Variants in SESTD1 observed in about 807,000 individuals in gnomAD.
The protein encoded by SESTD1 is SEC14 domain and spectrin repeat-containing protein 1.
Under a neutral mutation model 101.7 loss-of-function variants are expected in SESTD1, and 43 were observed. The ratio of observed to expected loss-of-function variants is 0.42; its 90% CI spans 0.33 to 0.55. The LOEUF (loss-of-function observed/expected upper bound fraction) is 0.55. Among genes scored for constraint, SESTD1 ranks in the 20% least tolerant of loss-of-function variants. The pLI, the probability that SESTD1 is intolerant of heterozygous loss-of-function variation, is 0.07. For missense variants in SESTD1, 647 were observed against 815.1 expected, an observed-to-expected ratio of 0.79 and a Z score of 2.51; for synonymous variants, 283 against 286.8, an observed-to-expected ratio of 0.99 and a Z score of 0.13.
At chr2:179,171,640 G>A (rs6736098) in intron 5 of SESTD1, among the ~76,000 whole-genome samples, 68,372 of 151,864 alleles carry the variant, frequency 0.45, 18,245 homozygotes, top group African/African-American at 0.75. Flanking sequence ...CTAACCTACA[G>A]TAAGATGCAC....
chr2:179,212,542 C>T (rs1363130365), intron 1 of SESTD1, among the ~76,000 whole-genome samples: 1 of 136,278 alleles, frequency 7.3e-6, no homozygotes, highest in East Asian at 2.0e-4. Context: ...CCTCTATAGA[C>T]TCCACCTCTG....
At chr2:179,134,520 T>C (rs1213115047) in intron 9 of SESTD1, among the ~76,000 whole-genome samples, 2 of 152,168 alleles carry the variant, frequency 1.3e-5, no homozygotes, top group African/African-American at 4.8e-5. Context: ...CAATTCTCTA[T>C]TGTCGGGAAC....
chr2:179,130,859 T>C (rs988906640), intron 10 of SESTD1, among the ~76,000 whole-genome samples: 8 of 151,948 alleles, frequency 5.3e-5, no homozygotes, highest in African/African-American at 1.4e-4. Flanking sequence ...ACAATCCATG[T>C]TAAAAAAAAA....
chr2:179,166,695 T>C (rs185691863), intron 5 of SESTD1, among the ~76,000 whole-genome samples: 57 of 152,270 alleles, frequency 3.7e-4, no homozygotes, highest in African/African-American at 1.3e-3. Context: ...AGACTTTCTC[T>C]GAGGCGCAGG....
intron 9 of SESTD1, among the ~76,000 whole-genome samples, chr2:179,137,373 C>CCAT (rs2045169623): frequency 6.6e-6 from 1 of 152,156 alleles, no homozygotes; most frequent in Admixed American, 6.5e-5. Flanking sequence ...CAAATGTCAA[C>CCAT]CATCTAACCT....
At chr2:179,225,710 G>T (rs916877228) in intron 1 of SESTD1, among the ~76,000 whole-genome samples, 1 of 152,118 alleles carries the variant, frequency 6.6e-6, no homozygotes, top group Non-Finnish European at 1.5e-5. Context: ...GGGCAAAAAG[G>T]GTGCAAATAC....
intron 5 of SESTD1, among the ~76,000 whole-genome samples, chr2:179,159,468 T>C (rs1253041187): frequency 6.6e-6 from 1 of 152,098 alleles, no homozygotes; most frequent in Non-Finnish European, 1.5e-5. Flanking sequence ...TAAGAAACCA[T>C]TTGCAGGGCG....
intron 5 of SESTD1, among the ~76,000 whole-genome samples, chr2:179,170,478 C>G (rs1442357266): frequency 1.3e-5 from 2 of 151,956 alleles, no homozygotes; most frequent in African/African-American, 4.8e-5. Flanking sequence ...GCTCTTTGTC[C>G]CCGGTTCCTG....
Position 179,106,730 on chromosome 2 carries a change from G to A in SESTD1, c.*3169C>T, listed in dbSNP as rs2044391440. ...GCCTAGACCTGCCATCAATATCCCA[G>A]CTGGCAGGCTGAGCAGTTTCATCAA... On this transcript the variant is annotated 3_prime_UTR_variant, in exon 18 of 18. Transcript: ENST00000428443. 6.6e-6 allele frequency: 1 copy of A among 152,086 alleles called. No individual in the cohort carries two copies. The highest frequency in any genetic ancestry group is 1.5e-5 in the Non-Finnish European group (1 of 68,004). The allele number at this position is 152,086 out of a possible 1,614,324, so 9.4% of individuals were successfully genotyped here.
intron 3 of SESTD1, among the ~76,000 whole-genome samples, chr2:179,180,515 C>T (rs926208026): frequency 1.3e-5 from 2 of 152,132 alleles, no homozygotes; most frequent in Non-Finnish European, 2.9e-5. Flanking sequence ...TTTCTAGACA[C>T]ATGCTGGGCC....
chr2:179,195,900 C>A (rs534682932), intron 1 of SESTD1, among the ~76,000 whole-genome samples: 1 of 151,544 alleles, frequency 6.6e-6, no homozygotes, highest in Non-Finnish European at 1.5e-5. Context: ...ATGGTAAATT[C>A]TTGTCCTAAA....
At chr2:179,113,987 G>T (rs1290851640) in intron 16 of SESTD1, among the ~76,000 whole-genome samples, 5 of 152,056 alleles carry the variant, frequency 3.3e-5, no homozygotes, top group Non-Finnish European at 7.4e-5. Flanking sequence ...TCTGGGTGCT[G>T]GTAATGTTCT....
At chr2:179,263,169 G>A (rs1234083194) in intron 1 of SESTD1, among the ~76,000 whole-genome samples, 1 of 152,056 alleles carries the variant, frequency 6.6e-6, no homozygotes, top group African/African-American at 2.4e-5. Context: ...AGGTCCTTGG[G>A]GAATTTTTTC....
chr2:179,170,789 T>C (rs995124202), intron 5 of SESTD1, among the ~76,000 whole-genome samples: 3 of 152,184 alleles, frequency 2.0e-5, no homozygotes, highest in South Asian at 2.1e-4. Context: ...TAATCACTAA[T>C]GGCCAATGAT....
intron 1 of SESTD1, 94 bp from the exon 2 acceptor site, chr2:179,191,960 G>A: frequency 1.2e-6 from 1 of 804,132 alleles, no homozygotes; most frequent in Admixed American, 2.5e-5. Flanking sequence ...TTCTAAACCT[G>A]AGAACTACTG....
chr2:179,156,064 T>C (rs1416464996), intron 5 of SESTD1, among the ~76,000 whole-genome samples: 1 of 152,126 alleles, frequency 6.6e-6, no homozygotes, highest in Non-Finnish European at 1.5e-5. Flanking sequence ...GTGAATGCCA[T>C]TAATTCATTC....
At chr2:179,232,968 T>G (rs573595484) in intron 1 of SESTD1, among the ~76,000 whole-genome samples, 47 of 152,332 alleles carry the variant, frequency 3.1e-4, no homozygotes, top group African/African-American at 1.1e-3. Context: ...TTTCTGTGTA[T>G]AGCTTTCTGT....
rs575249709 is a variant in SESTD1 at position 179,112,406 on chromosome 2, TCTTC to T, written c.1961+314_1961+317del. ...CACTAAACATCAATCCCTTGTCCCC[TCTTC>T]CTTTTCCTGAATGAAGCCCCAAGTC... On this transcript the variant is annotated intron_variant, in intron 17 of 17. Coordinates refer to ENST00000428443, the MANE Select transcript of SESTD1 (RefSeq NM_178123.5). Among the ~76,000 whole-genome samples, 18 of 152,340 alleles carry T rather than the reference TCTTC, an allele frequency of 1.2e-4. No homozygotes were observed. The East Asian group carries it at 3.5e-3, about 29-fold the overall frequency.
intron 1 of SESTD1, among the ~76,000 whole-genome samples, chr2:179,231,376 T>C (rs1359744079): frequency 2.0e-5 from 3 of 151,938 alleles, no homozygotes; most frequent in Non-Finnish European, 4.4e-5. Flanking sequence ...TAGCAATAGA[T>C]AAGAATTATA....
Sources: gnomAD v4.1 joint callset for allele counts (sites outside exome capture counted in the v4.1 genomes callset) on GRCh38, gnomAD v4.1.1 for gene constraint, MANE v1.5 for transcripts, NCBI Gene and HGNC (gene_info 2026-07-23, HGNC 2026-07-21) for gene names.